THSD7A: variants seen among roughly 807,000 people sequenced by gnomAD.
THSD7A encodes the protein thrombospondin type 1 domain containing 7A, also known as thrombospondin type-1 domain-containing protein 7A.
Under a neutral mutation model 231.3 loss-of-function variants are expected in THSD7A, and 96 were observed. The ratio of observed to expected loss-of-function variants is 0.41; its 90% CI spans 0.35 to 0.49. THSD7A has a LOEUF of 0.49. THSD7A is among the 20% of genes least tolerant of loss of function. The probability of loss-of-function intolerance (pLI) is 0.05; values close to 1 mark genes in which losing one functional copy is unlikely to be tolerated. For missense variants in THSD7A, 2,290 were observed against 2,070.2 expected, an observed-to-expected ratio of 1.11 and a Z score of -2.06; for synonymous variants, 940 against 743.3, an observed-to-expected ratio of 1.26 and a Z score of -4.30.
intron 4 of THSD7A, among the ~76,000 whole-genome samples, chr7:11,578,995 C>T (rs1791041158): frequency 6.9e-6 from 1 of 144,498 alleles, no homozygotes; most frequent in South Asian, 2.4e-4. Flanking sequence ...GAATTGCATT[C>T]AATGTGCATT....
chr7:11,398,170 A>G (rs563307421), intron 23 of THSD7A, among the ~76,000 whole-genome samples: 99 of 152,262 alleles, frequency 6.5e-4, no homozygotes, highest in Middle Eastern at 6.8e-3. Context: ...GATGAAGAAA[A>G]TGTGGCACGT....
intron 4 of THSD7A, among the ~76,000 whole-genome samples, chr7:11,548,026 A>G (rs1789469876): frequency 6.6e-6 from 1 of 152,136 alleles, no homozygotes. Context: ...TGTGCTTTCC[A>G]AAACAGTGTA....
In THSD7A at chr7:11,411,825, C is replaced by T. The variant is rs1486890592; in HGVS notation, c.3683-503G>A. Among the ~76,000 whole-genome samples the T allele has an allele frequency of 6.6e-6, 1 of 151,908 alleles. No homozygotes were observed. The highest frequency in any genetic ancestry group is 1.5e-5 in the Non-Finnish European group (1 of 67,988). Reference sequence around the variant, plus strand: ...AAAAATCACTTTGGCCATATTTATTCATTCTCTTATGTCTTTCGTAAGAAG... The same window carrying T: ...AAAAATCACTTTGGCCATATTTATTTATTCTCTTATGTCTTTCGTAAGAAG... On this transcript the variant is annotated intron_variant, in intron 18 of 27. Coordinates refer to ENST00000423059, the MANE Select transcript of THSD7A (RefSeq NM_015204.3). The surrounding 1 kb of genome is among the most constrained non-coding windows in gnomAD (Gnocchi z 4.1).
intron 4 of THSD7A, among the ~76,000 whole-genome samples, chr7:11,568,364 TA>T (rs1385936031): frequency 1.3e-5 from 2 of 152,066 alleles, no homozygotes; most frequent in Non-Finnish European, 2.9e-5. Context: ...TTCTTTTCCT[TA>T]AAAACTGGAA....
chr7:11,831,699 G>A lies in THSD7A; in HGVS notation c.190+58C>T. ...CCGGGGTCCCTACAGAAGCCCACCAGCTCCTTAATGTGGCCCCAGATGTGA... is the reference window on the plus strand; with the variant it reads ...CCGGGGTCCCTACAGAAGCCCACCAACTCCTTAATGTGGCCCCAGATGTGA... On this transcript the variant is annotated intron_variant, in intron 1 of 27. Coordinates refer to ENST00000423059, the MANE Select transcript of THSD7A (RefSeq NM_015204.3). The surrounding 1 kb of genome is among the most constrained non-coding windows in gnomAD (Gnocchi z 5.0). 1.6e-6 allele frequency: 2 copies of A among 1,268,960 alleles called. No homozygotes were observed. Among genetic ancestry groups the A allele is most frequent in the Non-Finnish European group, 1.0e-6 (1 of 984,584 alleles). 78.6% of individuals were successfully genotyped at this position (1,268,960 alleles called of 1,614,324 possible).
chr7:11,530,092 G>A (rs997990948), intron 6 of THSD7A, among the ~76,000 whole-genome samples: 3 of 152,118 alleles, frequency 2.0e-5, no homozygotes, highest in African/African-American at 4.8e-5. Context: ...TGCAATGACC[G>A]GTCTCCAGAA....
intron 23 of THSD7A, among the ~76,000 whole-genome samples, chr7:11,392,915 T>G (rs764943367): frequency 1.1e-4 from 17 of 152,174 alleles, no homozygotes; most frequent in Admixed American, 3.3e-4. Flanking sequence ...CCCATCTCCC[T>G]GGGATAGGAT....
At chr7:11,412,413 A>G (rs573280763) in intron 18 of THSD7A, among the ~76,000 whole-genome samples, 45 of 152,272 alleles carry the variant, frequency 3.0e-4, no homozygotes, top group African/African-American at 1.1e-3. Context: ...AACACTTAGT[A>G]TATTCACAAC....
chr7:11,534,940 T>C lies in THSD7A; in HGVS notation c.1822+6479A>G, dbSNP rs71536856. 1.4e-3 allele frequency among the ~76,000 whole-genome samples: 215 copies of C among 152,242 alleles called. 1 individual carries two copies. Among genetic ancestry groups the C allele is most frequent in the Non-Finnish European group, 2.4e-3 (166 of 68,010 alleles). On this transcript the variant is annotated intron_variant, in intron 6 of 27. Coordinates refer to ENST00000423059, the MANE Select transcript of THSD7A (RefSeq NM_015204.3). ...AGGAGGATTGCTGGCACCCAGGAAT[T>C]CAAGACCAACTTGGGCAACACAGTG...
intron 1 of THSD7A, among the ~76,000 whole-genome samples, chr7:11,725,712 G>C (rs1488136359): frequency 6.6e-6 from 1 of 151,976 alleles, no homozygotes; most frequent in Non-Finnish European, 1.5e-5. Flanking sequence ...ATGAAATAGA[G>C]ATGCTTGTAT....
intron 13 of THSD7A, among the ~76,000 whole-genome samples, chr7:11,432,378 A>G (rs1167313818): frequency 6.6e-6 from 1 of 152,124 alleles, no homozygotes; most frequent in Non-Finnish European, 1.5e-5. Flanking sequence ...TGTAGTCTTC[A>G]TATGCAAAAG....
chr7:11,490,575 G>T (rs1404101487), intron 6 of THSD7A, among the ~76,000 whole-genome samples: 3 of 152,010 alleles, frequency 2.0e-5, no homozygotes, highest in African/African-American at 7.2e-5. Context: ...TACAGTATGG[G>T]TATAATCAAA....
chr7:11,547,815 T>G (rs574104462), intron 4 of THSD7A, among the ~76,000 whole-genome samples: 1 of 152,116 alleles, frequency 6.6e-6, no homozygotes, highest in Admixed American at 6.5e-5. Flanking sequence ...TTGAAATTAA[T>G]GAAAACAAAC....
intron 1 of THSD7A, among the ~76,000 whole-genome samples, chr7:11,661,595 T>G (rs1211162601): frequency 6.7e-6 from 1 of 150,256 alleles, no homozygotes; most frequent in Admixed American, 6.7e-5. Context: ...CCAAAAGAAT[T>G]GGAGGAATAG....
In THSD7A at chr7:11,609,059, C is replaced by T. The variant is rs1780833971; in HGVS notation, c.1023-15557G>A. Among the ~76,000 whole-genome samples, 4 of 152,114 alleles carry T rather than the reference C, an allele frequency of 2.6e-5. No homozygotes were observed. The South Asian group carries it at 8.3e-4, about 31-fold the overall frequency. On this transcript the variant is annotated intron_variant, in intron 2 of 27. Coordinates refer to ENST00000423059, the MANE Select transcript of THSD7A (RefSeq NM_015204.3). ...TTTATGAGGATAAACTGCCGTTGTT[C>T]TCTAATTTGCCCTTGAATATCCCAT...
chr7:11,573,671 T>C (rs983950138), intron 4 of THSD7A, among the ~76,000 whole-genome samples: 2 of 152,232 alleles, frequency 1.3e-5, no homozygotes, highest in African/African-American at 4.8e-5. Context: ...TTCTGATTAT[T>C]TTAATTATTT....
intron 13 of THSD7A, among the ~76,000 whole-genome samples, chr7:11,432,859 T>C (rs189987068): frequency 4.6e-5 from 7 of 152,120 alleles, no homozygotes; most frequent in Admixed American, 3.3e-4. Flanking sequence ...TTGGATGGTA[T>C]GTATATTATA....
intron 14 of THSD7A, among the ~76,000 whole-genome samples, chr7:11,427,895 A>G (rs757954024): frequency 2.0e-5 from 3 of 152,162 alleles, no homozygotes; most frequent in African/African-American, 4.8e-5. Context: ...TTTACCCTCC[A>G]TTGCACATAA....
At chr7:11,746,177 C>G (rs1439552339) in intron 1 of THSD7A, among the ~76,000 whole-genome samples, 3 of 151,720 alleles carry the variant, frequency 2.0e-5, no homozygotes, top group African/African-American at 7.3e-5. Flanking sequence ...TGCATTTGCC[C>G]TGATATTTTG....
Sources: allele counts gnomAD v4.1 joint callset (sites outside exome capture counted in the v4.1 genomes callset), GRCh38; gene constraint gnomAD v4.1.1; non-coding constraint Gnocchi (gnomAD v3.1); transcripts MANE v1.5; gene names NCBI Gene and HGNC (gene_info 2026-07-23, HGNC 2026-07-21).